Variants in PTPRD observed in about 807,000 individuals in gnomAD.
PTPRD encodes receptor-type tyrosine-protein phosphatase delta.
Under a neutral mutation model 214.5 loss-of-function variants are expected in PTPRD, and 34 were observed. The ratio of observed to expected loss-of-function variants is 0.16; its 90% confidence interval spans 0.12 to 0.21. PTPRD has a LOEUF of 0.21. PTPRD is among the 10% of genes least tolerant of loss of function. The pLI is 1.00. For synonymous variants in PTPRD, 1,128 were observed against 845.7 expected (o/e 1.33, Z -5.79); for missense variants, 2,545 against 2,398.7 (o/e 1.06, Z -1.27).
At chr9:8,660,042 T>G (rs943931082) in intron 12 of PTPRD, among the ~76,000 whole-genome samples, 1 of 152,226 alleles carries the variant, frequency 6.6e-6, no homozygotes, top group Non-Finnish European at 1.5e-5. Flanking sequence ...GTTCCTCAGG[T>G]ACAAAAATGT....
intron 8 of PTPRD, among the ~76,000 whole-genome samples, chr9:9,438,583 C>T (rs1053850721): frequency 6.6e-6 from 1 of 152,124 alleles, no homozygotes; most frequent in Non-Finnish European, 1.5e-5. Flanking sequence ...ACTGGGCCAA[C>T]CAAAGCATCT....
At chr9:8,937,875 T>C (rs2099008050) in intron 11 of PTPRD, among the ~76,000 whole-genome samples, 1 of 152,210 alleles carries the variant, frequency 6.6e-6, no homozygotes. Context: ...AAGTATAAAC[T>C]GAAATATGTA....
chr9:8,412,869 T>A (rs1201461068), intron 35 of PTPRD, among the ~76,000 whole-genome samples: 1 of 152,200 alleles, frequency 6.6e-6, no homozygotes, highest in Non-Finnish European at 1.5e-5. Context: ...CACAGCTGCA[T>A]ATGGTTCTCA....
intron 3 of PTPRD, among the ~76,000 whole-genome samples, chr9:10,184,901 T>C (rs554496104): frequency 1.4e-3 from 220 of 152,252 alleles, no homozygotes; most frequent in African/African-American, 4.9e-3. Flanking sequence ...ACATCACACC[T>C]GAAGGGCAGG....
intron 8 of PTPRD, among the ~76,000 whole-genome samples, chr9:9,417,253 G>C (rs2077264288): frequency 1.3e-5 from 2 of 152,052 alleles, no homozygotes. Flanking sequence ...AATCTGCTTG[G>C]TAAAATTAGA....
At chr9:9,597,602 C>G (rs560905449) in intron 7 of PTPRD, among the ~76,000 whole-genome samples, 1 of 151,874 alleles carries the variant, frequency 6.6e-6, no homozygotes, top group African/African-American at 2.4e-5. Context: ...TTTTACAAAG[C>G]TGGGGGAAGT....
At chr9:8,940,801 C>T (rs1567139448) in intron 11 of PTPRD, among the ~76,000 whole-genome samples, 1 of 146,340 alleles carries the variant, frequency 6.8e-6, no homozygotes, top group Non-Finnish European at 1.5e-5. Flanking sequence ...CTATTCTCTT[C>T]TCAAAACTAC....
At position 9,489,367 on chromosome 9, in the gene PTPRD, C is replaced by G. The variant is rs180699534; in HGVS notation, c.-237+85365G>C. On this transcript the variant is annotated intron_variant, in intron 8 of 45. Transcript: ENST00000381196. The stretch of plus-strand genomic sequence containing the variant: ...ATTGCAAAGCTTTCAACAAATAACC[C>G]ACAAGACATACAAAGAGAGAGGAAC... 5.5e-3 allele frequency among the ~76,000 whole-genome samples: 832 copies of G among 152,128 alleles called. 6 individuals are homozygous for G. The highest frequency in any genetic ancestry group is 0.019 in the African/African-American group (790 of 41,506).
At chr9:9,341,205 T>A (rs935279549) in intron 9 of PTPRD, among the ~76,000 whole-genome samples, 2 of 152,124 alleles carry the variant, frequency 1.3e-5, no homozygotes, top group Non-Finnish European at 2.9e-5. Flanking sequence ...TTTCTGGTGT[T>A]TTTCCTGGCC....
chr9:10,241,421 T>C (rs2154362807), intron 3 of PTPRD, among the ~76,000 whole-genome samples: 1 of 152,088 alleles, frequency 6.6e-6, no homozygotes, highest in East Asian at 1.9e-4. Context: ...AAGCTTTGTC[T>C]GTAATAGCCA....
chr9:8,581,913 C>CAAAAAAAAAAAA lies in PTPRD; in HGVS notation c.352+51392_352+51403dup, dbSNP rs36007156. 3.5e-3 allele frequency among the ~76,000 whole-genome samples: 124 copies of CAAAAAAAAAAAA among 34,930 alleles called. 1 individual carries two copies. The highest frequency in any genetic ancestry group is 5.3e-3 in the African/African-American group (64 of 12,168). 22.9% of individuals were successfully genotyped at this position (34,930 alleles called of 152,430 possible). On this transcript the variant is annotated intron_variant, in intron 14 of 45. Coordinates refer to ENST00000381196, the MANE Select transcript of PTPRD (RefSeq NM_002839.4). ...GGATGACAGAGCATGACTCAATCTCCAAAAAAAAAAAAAAAAAAAAAAAAA... is the reference window on the plus strand; with the variant it reads ...GGATGACAGAGCATGACTCAATCTCCAAAAAAAAAAAAAAAAAAAAAAAAAAAAAAAAAAAAA...
At chr9:10,034,274 CA>C (rs1382435395) in intron 3 of PTPRD, among the ~76,000 whole-genome samples, 1 of 152,068 alleles carries the variant, frequency 6.6e-6, no homozygotes. Flanking sequence ...CTAAATTTAT[CA>C]TACTGACATT....
At chr9:9,742,349 T>TA (rs1484523550) in intron 6 of PTPRD, among the ~76,000 whole-genome samples, 18 of 151,374 alleles carry the variant, frequency 1.2e-4, no homozygotes, top group African/African-American at 2.2e-4. Context: ...CAAGAGCATG[T>TA]AAAAAGAAAT....
intron 6 of PTPRD, among the ~76,000 whole-genome samples, chr9:9,753,657 T>C (rs1245803097): frequency 1.3e-5 from 2 of 152,014 alleles, no homozygotes; most frequent in Admixed American, 6.6e-5. Flanking sequence ...GTTGGTGTGA[T>C]CCACATTGTG....
rs1301640766 is a variant in PTPRD at position 9,752,653 on chromosome 9, A to G, written c.-326+14157T>C. On this transcript the variant is annotated intron_variant, in intron 6 of 45. Transcript: ENST00000381196. ...AGAAGAAAATGACATTAACATTTTC[A>G]GTAAAGAAACCTCAAAAGTTTCATT... Among the ~76,000 whole-genome samples the G allele has an allele frequency of 2.6e-5, 4 of 152,192 alleles. No individual in the cohort carries two copies. The East Asian group carries it at 7.7e-4, about 29-fold the overall frequency.
intron 3 of PTPRD, among the ~76,000 whole-genome samples, chr9:10,035,167 C>T (rs778069208): frequency 3.3e-5 from 5 of 152,058 alleles, no homozygotes; most frequent in Non-Finnish European, 7.4e-5. Context: ...GATAGTGTCT[C>T]ATTGTGACTT....
Position 9,186,428 on chromosome 9 carries a change from C to G in PTPRD, c.-202-3065G>C, listed in dbSNP as rs140176141. Among the ~76,000 whole-genome samples, 725 of 152,094 alleles carry G rather than the reference C, an allele frequency of 4.8e-3. 8 individuals are homozygous for G. Among genetic ancestry groups the G allele is most frequent in the African/African-American group, 0.016 (665 of 41,528 alleles). Reference sequence around the variant, plus strand: ...TATGTTCATGAAGCCTGGGCAACATCATAAGATCCCATTTCTACAAAAAAT... The same window carrying G: ...TATGTTCATGAAGCCTGGGCAACATGATAAGATCCCATTTCTACAAAAAAT... On this transcript the variant is annotated intron_variant, in intron 9 of 45. Coordinates refer to ENST00000381196, the MANE Select transcript of PTPRD (RefSeq NM_002839.4).
At chr9:8,768,178 T>C (rs2094908441) in intron 11 of PTPRD, among the ~76,000 whole-genome samples, 1 of 152,224 alleles carries the variant, frequency 6.6e-6, no homozygotes, top group Admixed American at 6.5e-5. Context: ...GAGGCTTGCT[T>C]GAGCCCAGGA....
chr9:8,423,842 T>C (rs2094505181), intron 35 of PTPRD, among the ~76,000 whole-genome samples: 1 of 152,156 alleles, frequency 6.6e-6, no homozygotes, highest in Admixed American at 6.6e-5. Flanking sequence ...TTGATTTTAT[T>C]TACCTAGATC....
Sources: allele counts gnomAD v4.1 joint callset (sites outside exome capture counted in the v4.1 genomes callset), GRCh38; gene constraint gnomAD v4.1.1; transcripts MANE v1.5; gene names NCBI Gene and HGNC (gene_info 2026-07-23, HGNC 2026-07-21).